The following DEPDC5 variants were observed in gnomAD, a reference collection of about 807,000 sequenced individuals.
DEPDC5 encodes the protein DEP domain containing 5, GATOR1 subcomplex subunit.
DEPDC5 carries 73 observed loss-of-function variants against 217.3 expected under a neutral mutation model. The ratio of observed to expected loss-of-function variants is 0.34; its 90% CI spans 0.28 to 0.41. The LOEUF (loss-of-function observed/expected upper bound fraction) is 0.41, where lower values mean the gene tolerates loss of function less well. Ranked by LOEUF, DEPDC5 falls within the 10% of genes least tolerant of loss-of-function variation. The probability of loss-of-function intolerance (pLI) is 1.00; values close to 1 mark genes in which losing one functional copy is unlikely to be tolerated. For synonymous variants in DEPDC5, 733 were observed against 756.7 expected, an observed-to-expected ratio of 0.97 and a Z score of 0.51; for missense variants, 1,675 against 2,070.1, an observed-to-expected ratio of 0.81 and a Z score of 3.70.
chr22:31,766,465 TG>T, intron 5 of DEPDC5, 119 bp from the exon 6 acceptor site: 1 of 870,904 alleles, frequency 1.1e-6, no homozygotes, highest in Non-Finnish European at 1.9e-6. Context: ...TGCTACTGAA[TG>T]GTCTTCCAGT....
At chr22:31,901,975 C>T (rs369604157) in intron 41 of DEPDC5, among the ~76,000 whole-genome samples, 173 bp downstream of exon 41, 9 of 152,258 alleles carry the variant, frequency 5.9e-5, no homozygotes, top group East Asian at 3.9e-4. Context: ...TTGAGATAAG[C>T]GCTGCCTCCC....
intron 33 of DEPDC5, among the ~76,000 whole-genome samples, chr22:31,862,300 C>T (rs1174685610): frequency 3.3e-5 from 5 of 152,134 alleles, no homozygotes; most frequent in African/African-American, 1.2e-4. Context: ...CACAGTGGCT[C>T]ACGCCTGTAA....
chr22:31,832,736 A>G (rs1036213698), intron 24 of DEPDC5, among the ~76,000 whole-genome samples: 36 of 152,238 alleles, frequency 2.4e-4, no homozygotes, highest in African/African-American at 8.2e-4. Flanking sequence ...TTCCTTTTGC[A>G]TATGTTGTTT....
intron 12 of DEPDC5, 44 bp from the exon 13 acceptor site, chr22:31,797,556 A>C (rs768595048): frequency 4.6e-6 from 7 of 1,529,806 alleles, no homozygotes; most frequent in Non-Finnish European, 6.3e-6. Flanking sequence ...GAGCCAAACC[A>C]TATCAGCTGC....
chr22:31,810,387 T>G, intron 19 of DEPDC5, 134 bp from the exon 20 acceptor site: 4 of 1,359,762 alleles, frequency 2.9e-6, no homozygotes, highest in South Asian at 1.4e-5. Context: ...GCCTTGCAGA[T>G]TTTGGTGAAG....
intron 18 of DEPDC5, 51 bp from the exon 19 acceptor site, chr22:31,809,560 G>A (rs1157597710): frequency 1.2e-6 from 2 of 1,604,958 alleles, no homozygotes; most frequent in Non-Finnish European, 1.7e-6. Flanking sequence ...CTTGTGATAA[G>A]TTCTTTTCTA....
chr22:31,891,141 T>G, intron 38 of DEPDC5: 2 of 473,144 alleles, frequency 4.2e-6, no homozygotes, highest in Non-Finnish European at 8.0e-6. Context: ...GCAAGGAATG[T>G]TTTTATTTTT....
chr22:31,851,066 CAAAAA>C (rs136861), intron 31 of DEPDC5, among the ~76,000 whole-genome samples: 3 of 115,256 alleles, frequency 2.6e-5, no homozygotes, highest in Non-Finnish European at 1.8e-5. Context: ...GACTCCGTCT[CAAAAA>C]AAAAAAAAAA....
At chr22:31,809,461 G>T in intron 18 of DEPDC5, 150 bp from the exon 19 acceptor site, 1 of 728,906 alleles carries the variant, frequency 1.4e-6, no homozygotes. Flanking sequence ...GGGAATAAAG[G>T]ACCGTGGTAG....
At chr22:31,830,125 C>T (rs1264655647) in intron 24 of DEPDC5, among the ~76,000 whole-genome samples, 2 of 152,212 alleles carry the variant, frequency 1.3e-5, no homozygotes, top group African/African-American at 4.8e-5. Flanking sequence ...GTAAGTGCTG[C>T]CTCTGTAGCC....
Position 31,838,827 on chromosome 22 carries a change from A to AG in DEPDC5, c.2498dup (p.Ser833ArgfsTer5). 6.2e-7 allele frequency: 1 copy of AG among 1,614,006 alleles called. No individual in the cohort carries two copies. Among genetic ancestry groups the AG allele is most frequent in the Non-Finnish European group, 8.5e-7 (1 of 1,179,906 alleles). ...TGCTGTCCCGCCCCCGCTGAGCAGTAGCCCACTCTATAGCCGAGGTGAGTT... is the reference window on the plus strand; with the variant it reads ...TGCTGTCCCGCCCCCGCTGAGCAGTAGGCCCACTCTATAGCCGAGGTGAGTT... On this transcript the variant is annotated frameshift_variant, in exon 27 of 43. Coordinates refer to ENST00000651528, the MANE Select transcript of DEPDC5 (RefSeq NM_001242896.3). LOFTEE classifies it high-confidence loss of function.
Position 31,804,852 on chromosome 22 carries a change from G to A in DEPDC5, c.1154G>A (p.Arg385Gln), listed in dbSNP as rs368032858. Reference protein sequence around the residue: ...HAVPLFKLHNRSAPRDSRLGD... With the variant: ...HAVPLFKLHNQSAPRDSRLGD... ...TTTTTCTCCTTGCAGCTCCATAATC[G>A]GAGTGCTCCCCGTGATTCTCGTCTG... is the stretch of plus-strand genomic sequence containing the variant. Residue 385 changes from arginine (R) to glutamine (Q), a missense_variant, in exon 17 of 43, where the codon CGG becomes CAG. By Grantham distance (43) the Arg-to-Gln change is conservative. Around this residue, in one of 11 missense-constraint regions of DEPDC5, gnomAD observed 628 missense variants for 762.1 expected, o/e 0.82. Transcript: ENST00000651528. The A allele has an allele frequency of 6.2e-6, 10 of 1,613,824 alleles. No homozygotes were observed. The highest frequency in any genetic ancestry group is 1.7e-4 in the Middle Eastern group (1 of 6,060).
chr22:31,837,620 G>A (rs2091109473), intron 26 of DEPDC5, among the ~76,000 whole-genome samples: 1 of 152,078 alleles, frequency 6.6e-6, no homozygotes, highest in South Asian at 2.1e-4. Context: ...GTCCCAAAGT[G>A]CTGGGATTAC....
rs776739394 is a variant in DEPDC5, at chr22:31,843,357, A to G, written c.2633+145A>G. On this transcript the variant is annotated intron_variant, in intron 28 of 42. Transcript: ENST00000651528. Reference sequence around the variant, plus strand: ...GTTTTGTTTGTTTGTTTCTAGGGTTATTTTAGGGTTATAGCTTACCTACTT... The same window carrying G: ...GTTTTGTTTGTTTGTTTCTAGGGTTGTTTTAGGGTTATAGCTTACCTACTT... The G allele has an allele frequency of 4.5e-6, 4 of 896,882 alleles. No individual in the cohort carries two copies. In the Admixed American group the frequency reaches 1.1e-4, roughly 24 times the overall value. 55.6% of individuals were successfully genotyped at this position (896,882 alleles called of 1,614,324 possible).
At chr22:31,857,198 A>G (rs1387365122) in intron 31 of DEPDC5, among the ~76,000 whole-genome samples, 1 of 152,234 alleles carries the variant, frequency 6.6e-6, no homozygotes, top group African/African-American at 2.4e-5. Context: ...TTAAGGTCAT[A>G]TATAAGCACC....
At chr22:31,781,234 C>CAA (rs1288893852) in intron 8 of DEPDC5, among the ~76,000 whole-genome samples, 1 of 126,862 alleles carries the variant, frequency 7.9e-6, no homozygotes, top group African/African-American at 3.0e-5. Context: ...AACAAACAAA[C>CAA]AAAAAAAAAA....
chr22:31,763,557 A>C (rs1601623175), intron 4 of DEPDC5, among the ~76,000 whole-genome samples: 7 of 144,468 alleles, frequency 4.8e-5, no homozygotes, highest in South Asian at 4.4e-4. Flanking sequence ...TCCATCTCCC[A>C]CCTCCGCCTC....
intron 24 of DEPDC5, among the ~76,000 whole-genome samples, chr22:31,830,338 G>A (rs1220275710): frequency 6.6e-6 from 1 of 152,264 alleles, no homozygotes; most frequent in African/African-American, 2.4e-5. Flanking sequence ...GTCTGGCTTT[G>A]AACTTTGAGT....
chr22:31,907,932 TG>T lies in DEPDC5; in HGVS notation c.*1436del, dbSNP rs897111180. On this transcript the variant is annotated 3_prime_UTR_variant, in exon 43 of 43. Coordinates refer to ENST00000651528, the MANE Select transcript of DEPDC5 (RefSeq NM_001242896.3). Reference sequence around the variant, plus strand: ...GCTGCCACTCAGTCCAGCCTTCCTTTGTCTTTCTCTTAGATCCCCAGGAAAA... The same window carrying T: ...GCTGCCACTCAGTCCAGCCTTCCTTTTCTTTCTCTTAGATCCCCAGGAAAA... 1.3e-5 allele frequency: 2 copies of T among 152,282 alleles called. No homozygotes were observed. Among genetic ancestry groups the T allele is most frequent in the Non-Finnish European group, 2.9e-5 (2 of 68,064 alleles). 9.4% of individuals were successfully genotyped at this position (152,282 alleles called of 1,614,324 possible).
Sources: allele counts gnomAD v4.1 joint callset (sites outside exome capture counted in the v4.1 genomes callset), GRCh38; gene constraint gnomAD v4.1.1; regional missense constraint gnomAD v4.1.1; transcripts MANE v1.5; gene names NCBI Gene and HGNC (gene_info 2026-07-23, HGNC 2026-07-21).